Variants in CCDC68 observed in about 807,000 individuals in gnomAD.
The protein encoded by CCDC68 is coiled-coil domain-containing protein 68.
Under a neutral mutation model 47.1 loss-of-function variants are expected in CCDC68, and 45 were observed. That is an observed-to-expected ratio of 0.96 (90% confidence interval 0.75 to 1.23). CCDC68 has a LOEUF of 1.23. CCDC68 is among the 50% of genes most tolerant of loss of function. The pLI, the probability that CCDC68 is intolerant of heterozygous loss-of-function variation, is 0.00. For missense variants in CCDC68, 353 were observed against 373.6 expected, an observed-to-expected ratio of 0.94 and a Z score of 0.45; for synonymous variants, 131 against 129.5, an observed-to-expected ratio of 1.01 and a Z score of -0.08.
intron 11 of CCDC68, among the ~76,000 whole-genome samples, chr18:54,905,451 C>T (rs1167008279): frequency 1.5e-5 from 1 of 65,280 alleles, no homozygotes; most frequent in African/African-American, 6.8e-5. Flanking sequence ...TGTTCTAAAG[C>T]TCAAGTAAAA....
At chr18:54,930,695 C>CT (rs2044238957) in intron 7 of CCDC68, among the ~76,000 whole-genome samples, 1 of 73,898 alleles carries the variant, frequency 1.4e-5, no homozygotes, top group Non-Finnish European at 2.7e-5. Context: ...TCCCTCCCTC[C>CT]CTCTCTCTCT....
intron 1 of CCDC68, among the ~76,000 whole-genome samples, chr18:54,948,527 C>A (rs1230832788): frequency 1.3e-5 from 2 of 152,190 alleles, no homozygotes; most frequent in Admixed American, 1.3e-4. Context: ...TTTGTTAGAG[C>A]AACCCTAGAA....
intron 10 of CCDC68, among the ~76,000 whole-genome samples, chr18:54,908,616 C>G (rs1347535267): frequency 6.6e-6 from 1 of 152,180 alleles, no homozygotes; most frequent in Non-Finnish European, 1.5e-5. Context: ...ATAATAATAA[C>G]GCCTTCTCCA....
chr18:54,952,896 A>C (rs1361824194), intron 1 of CCDC68, among the ~76,000 whole-genome samples: 2 of 152,064 alleles, frequency 1.3e-5, no homozygotes, highest in African/African-American at 4.8e-5. Flanking sequence ...GTGCGTAATC[A>C]CAGCTACTCA....
At chr18:54,956,655 T>C (rs1463872349) in intron 1 of CCDC68, among the ~76,000 whole-genome samples, 4 of 152,330 alleles carry the variant, frequency 2.6e-5, no homozygotes, top group Non-Finnish European at 2.9e-5. Context: ...AAAAGCCAGA[T>C]GCTAAAGACT....
intron 8 of CCDC68, among the ~76,000 whole-genome samples, chr18:54,922,292 C>T (rs2044074370): frequency 6.6e-6 from 1 of 152,110 alleles, no homozygotes; most frequent in Non-Finnish European, 1.5e-5. Flanking sequence ...ATGGAAGAGC[C>T]TTCCAAGGTG....
intron 10 of CCDC68, 43 bp from the exon 11 acceptor site, chr18:54,907,905 T>G: frequency 2.8e-6 from 3 of 1,075,592 alleles, no homozygotes; most frequent in Non-Finnish European, 4.4e-6. Flanking sequence ...GCTAACACAT[T>G]TATTAGCTAC....
At chr18:54,929,086 ACT>A (rs1227934002) in intron 7 of CCDC68, among the ~76,000 whole-genome samples, 1 of 151,912 alleles carries the variant, frequency 6.6e-6, no homozygotes, top group African/African-American at 2.4e-5. Context: ...AGTTGTCTTC[ACT>A]CTCTCACCTG....
intron 1 of CCDC68, among the ~76,000 whole-genome samples, chr18:54,947,430 G>C (rs118167334): frequency 6.6e-6 from 1 of 152,186 alleles, no homozygotes; most frequent in Non-Finnish European, 1.5e-5. Flanking sequence ...GAGGCTTTCT[G>C]TGAAGAAAGA....
intron 10 of CCDC68, among the ~76,000 whole-genome samples, chr18:54,912,115 G>A (rs2145383339): frequency 6.6e-6 from 1 of 152,222 alleles, no homozygotes; most frequent in Middle Eastern, 3.4e-3. Context: ...ACACACTCCA[G>A]AATTAAATTT....
At chr18:54,932,823 CAT>C (rs1168640624) in intron 7 of CCDC68, among the ~76,000 whole-genome samples, 4 of 152,156 alleles carry the variant, frequency 2.6e-5, no homozygotes, top group African/African-American at 4.8e-5. Context: ...CTAAAGGACT[CAT>C]AGAGGAATTA....
rs374594138 is a variant in CCDC68, at chr18:54,934,940, C to T, written c.480G>A (p.Lys160=). 1 of 1,589,074 alleles carries T rather than the reference C, an allele frequency of 6.3e-7. No individual in the cohort carries two copies. The highest frequency in any genetic ancestry group is 8.5e-7 in the Non-Finnish European group (1 of 1,170,132). ...GTTTCAATTTCTGTTCTTTTTCAAG[C>T]TTGTTAACCTATGGTCAGAGAATCA... ...EDSKQLLQVN[K]LEKEQKLKQH... is the part of the protein sequence containing the mutation. Residue 160 remains lysine (K), a synonymous_variant, in exon 7 of 12, where the codon AAG becomes AAA. Coordinates refer to ENST00000591504, the MANE Select transcript of CCDC68 (RefSeq NM_025214.3).
chr18:54,956,312 T>A (rs1234562857), intron 1 of CCDC68, among the ~76,000 whole-genome samples: 1 of 152,090 alleles, frequency 6.6e-6, no homozygotes, highest in Non-Finnish European at 1.5e-5. Context: ...TTAACATTGG[T>A]TTGTTGGAGA....
intron 6 of CCDC68, among the ~76,000 whole-genome samples, chr18:54,936,048 T>C (rs2044336853): frequency 6.7e-6 from 1 of 149,194 alleles, no homozygotes; most frequent in Non-Finnish European, 1.5e-5. Context: ...TTTATACATA[T>C]TTACATATTA....
chr18:54,959,265 A>G (rs2044762178), intron 1 of CCDC68, 71 bp downstream of exon 1: 1 of 152,334 alleles, frequency 6.6e-6, no homozygotes, highest in African/African-American at 2.4e-5. Flanking sequence ...GCACCTGGAC[A>G]CCCACACACA....
intron 10 of CCDC68, among the ~76,000 whole-genome samples, chr18:54,914,284 T>C (rs1299978089): frequency 6.6e-6 from 1 of 152,154 alleles, no homozygotes; most frequent in Non-Finnish European, 1.5e-5. Flanking sequence ...CATCAGATAC[T>C]GTTATTATTT....
chr18:54,942,674 C>A lies in CCDC68; in HGVS notation c.117+1G>T, dbSNP rs763317765. On this transcript the variant is annotated splice_donor_variant, in intron 3 of 11. Transcript: ENST00000591504. LOFTEE classifies it high-confidence loss of function. ...ACTAATGATTTCTGCTACCCACATA[C>A]CTTTTTCACATACTCGGTTTCTTCA... 90 of 1,539,550 alleles carry A rather than the reference C, an allele frequency of 5.8e-5. No homozygotes were observed. Among genetic ancestry groups the A allele is most frequent in the Non-Finnish European group, 7.5e-5 (84 of 1,119,172 alleles).
chr18:54,905,409 A>AGGAAGGAAG (rs1555671936), intron 11 of CCDC68, among the ~76,000 whole-genome samples: 1 of 107,722 alleles, frequency 9.3e-6, no homozygotes, highest in African/African-American at 3.9e-5. Flanking sequence ...AAGGAAGGGA[A>AGGAAGGAAG]GAAGGAAGGA....
chr18:54,955,720 G>C (rs1226042568), intron 1 of CCDC68, among the ~76,000 whole-genome samples: 1 of 152,160 alleles, frequency 6.6e-6, no homozygotes, highest in South Asian at 2.1e-4. Flanking sequence ...TTGTTTGTTT[G>C]TTTGTTTGTT....
Sources: allele counts gnomAD v4.1 joint callset (sites outside exome capture counted in the v4.1 genomes callset), GRCh38; gene constraint gnomAD v4.1.1; transcripts MANE v1.5; gene names NCBI Gene and HGNC (gene_info 2026-07-23, HGNC 2026-07-21).